C13orf42: variants seen among roughly 807,000 people sequenced by gnomAD.
The protein encoded by C13orf42 is uncharacterized protein C13orf42.
At chr13:51,147,720 C>T (rs1168445436) in intron 1 of C13orf42, among the ~76,000 whole-genome samples, 4 of 61,438 alleles carry the variant, frequency 6.5e-5, no homozygotes, top group African/African-American at 2.6e-4. Context: ...CAGAGCAAGA[C>T]TGTGTCTCAA....
intron 1 of C13orf42, among the ~76,000 whole-genome samples, chr13:51,127,912 A>G (rs1391119426): frequency 1.3e-5 from 2 of 152,160 alleles, no homozygotes; most frequent in Non-Finnish European, 2.9e-5. Flanking sequence ...TAGTCATTCT[A>G]AGTCACAGGA....
At chr13:51,149,779 A>G (rs1953765855) in intron 1 of C13orf42, among the ~76,000 whole-genome samples, 1 of 152,204 alleles carries the variant, frequency 6.6e-6, no homozygotes, top group Non-Finnish European at 1.5e-5. Context: ...TCTCTTCATC[A>G]TCAATAATAA....
At chr13:51,161,940 T>C in intron 1 of C13orf42, 1 of 492,070 alleles carries the variant, frequency 2.0e-6, no homozygotes, top group Non-Finnish European at 4.0e-6. Flanking sequence ...CCATCAGTGC[T>C]TCCCACGTTG....
intron 1 of C13orf42, among the ~76,000 whole-genome samples, chr13:51,128,877 T>C (rs1953594605): frequency 6.6e-6 from 1 of 152,176 alleles, no homozygotes; most frequent in Non-Finnish European, 1.5e-5. Flanking sequence ...AGCCAGTTCT[T>C]ACTTTGGAGC....
chr13:51,094,766 G>A (rs761263274), intron 1 of C13orf42, among the ~76,000 whole-genome samples: 4 of 152,140 alleles, frequency 2.6e-5, no homozygotes, highest in Non-Finnish European at 5.9e-5. Flanking sequence ...CTGTTGATAA[G>A]TATTATTTTT....
intron 1 of C13orf42, among the ~76,000 whole-genome samples, chr13:51,121,951 CAATGT>C (rs1008855391): frequency 1.3e-5 from 2 of 152,070 alleles, no homozygotes; most frequent in Non-Finnish European, 2.9e-5. Flanking sequence ...AAGATATTCA[CAATGT>C]AATAAGCGGA....
chr13:51,164,120 ACGG>A (rs1294963350), intron 1 of C13orf42, among the ~76,000 whole-genome samples: 1 of 152,222 alleles, frequency 6.6e-6, no homozygotes, highest in African/African-American at 2.4e-5. Context: ...CAGGCAGCGT[ACGG>A]CTAGCGCTCA....
chr13:51,114,511 T>C (rs1186564555), upstream of C13orf42, among the ~76,000 whole-genome samples: 1 of 152,186 alleles, frequency 6.6e-6, no homozygotes, highest in African/African-American at 2.4e-5. Context: ...TTTTTATTTC[T>C]GGGTCTGGCT....
At chr13:51,114,614 TGATAGATAGATA>T (rs36090660), upstream of C13orf42, among the ~76,000 whole-genome samples, 130 of 136,708 alleles carry the variant, frequency 9.5e-4, no homozygotes, top group African/African-American at 3.5e-3. Context: ...TACAGATAGA[TGATAGATAGATA>T]GATAGATAGA....
chr13:51,147,267 T>C (rs1161257332), intron 1 of C13orf42, among the ~76,000 whole-genome samples: 2 of 152,212 alleles, frequency 1.3e-5, no homozygotes, highest in Non-Finnish European at 2.9e-5. Context: ...GAGAACAGTC[T>C]CTGTGAGAGT....
chr13:51,153,845 G>A (rs1462325844), intron 1 of C13orf42, among the ~76,000 whole-genome samples: 1 of 151,834 alleles, frequency 6.6e-6, no homozygotes, highest in Non-Finnish European at 1.5e-5. Flanking sequence ...TGTTGTCCAG[G>A]CGGGTCTCAG....
intron 1 of C13orf42, among the ~76,000 whole-genome samples, chr13:51,123,004 TGTGGTCTGTTTTGCCCAC>T (rs1342979089): frequency 1.4e-4 from 21 of 152,212 alleles, no homozygotes; most frequent in Admixed American, 1.4e-3. Flanking sequence ...GATTGATACT[TGTGGTCTGTTTTGCCCAC>T]TGCTGTATCT....
chr13:51,143,225 A>G (rs192318040), intron 1 of C13orf42, among the ~76,000 whole-genome samples: 16 of 152,324 alleles, frequency 1.1e-4, no homozygotes, highest in African/African-American at 3.8e-4. Flanking sequence ...AATAAGCTGC[A>G]TTCCTGAGAC....
At chr13:51,103,097 G>A (rs1045509444) in intron 1 of C13orf42, among the ~76,000 whole-genome samples, 32 of 152,180 alleles carry the variant, frequency 2.1e-4, no homozygotes, top group African/African-American at 7.7e-4. Context: ...TGTCCAATGT[G>A]AACCATCTGG....
intron 1 of C13orf42, among the ~76,000 whole-genome samples, chr13:51,135,862 ATCAG>A (rs1953654006): frequency 6.6e-6 from 1 of 152,068 alleles, no homozygotes; most frequent in Non-Finnish European, 1.5e-5. Context: ...TCCTCTCTGT[ATCAG>A]TCAGGATCTA....
intron 1 of C13orf42, among the ~76,000 whole-genome samples, chr13:51,157,778 C>T (rs1446659059): frequency 6.6e-6 from 1 of 152,166 alleles, no homozygotes; most frequent in African/African-American, 2.4e-5. Flanking sequence ...ACAGAAGCCT[C>T]GTGTATTGTG....
chr13:51,146,302 T>C (rs369620248), intron 1 of C13orf42, among the ~76,000 whole-genome samples: 20 of 152,326 alleles, frequency 1.3e-4, no homozygotes, highest in African/African-American at 4.6e-4. Context: ...CACTTTTGTA[T>C]TGACGGATTC....
At chr13:51,165,123 A>G (rs1953893852) in intron 1 of C13orf42, among the ~76,000 whole-genome samples, 1 of 152,054 alleles carries the variant, frequency 6.6e-6, no homozygotes, top group Admixed American at 6.5e-5. Context: ...TCTGTCAGTG[A>G]GATTTCTGCC....
At chr13:51,127,507 A>G (rs1056881735) in intron 1 of C13orf42, among the ~76,000 whole-genome samples, 1 of 152,226 alleles carries the variant, frequency 6.6e-6, no homozygotes, top group Non-Finnish European at 1.5e-5. Flanking sequence ...GTGAACCACA[A>G]GGAAGACTGG....
Sources: gnomAD v4.1 joint callset for allele counts (sites outside exome capture counted in the v4.1 genomes callset) on GRCh38, gnomAD v4.1.1 for gene constraint, MANE v1.5 for transcripts, NCBI Gene and HGNC (gene_info 2026-07-23, HGNC 2026-07-21) for gene names.